Variants in ADCY2 observed in about 807,000 individuals in gnomAD.
ADCY2 encodes adenylate cyclase 2, also known as adenylate cyclase type 2.
ADCY2 carries 31 observed loss-of-function variants against 125.2 expected under a neutral mutation model. That is an observed-to-expected ratio of 0.25 (90% CI 0.19 to 0.33). The LOEUF (loss-of-function observed/expected upper bound fraction) is 0.33, where lower values mean the gene tolerates loss of function less well. Among genes scored for constraint, ADCY2 ranks in the 10% least tolerant of loss-of-function variants. The probability of loss-of-function intolerance (pLI) is 1.00; values close to 1 mark genes in which losing one functional copy is unlikely to be tolerated. For synonymous variants in ADCY2, 512 were observed against 548.4 expected, an observed-to-expected ratio of 0.93 and a Z score of 0.93; for missense variants, 904 against 1,418.2, an observed-to-expected ratio of 0.64 and a Z score of 5.82.
chr5:7,650,713 T>C (rs926654765), intron 4 of ADCY2, among the ~76,000 whole-genome samples: 2 of 152,238 alleles, frequency 1.3e-5, no homozygotes. Flanking sequence ...GTGTGAACTG[T>C]GATTTTCTCT....
chr5:7,461,562 C>T (rs1353195159), intron 2 of ADCY2, among the ~76,000 whole-genome samples: 1 of 152,214 alleles, frequency 6.6e-6, no homozygotes, highest in African/African-American at 2.4e-5. Context: ...GTGCCTTTGG[C>T]ACATCTTAGA....
chr5:7,439,068 C>T (rs1253096208), intron 2 of ADCY2, among the ~76,000 whole-genome samples: 1 of 152,134 alleles, frequency 6.6e-6, no homozygotes, highest in Non-Finnish European at 1.5e-5. Flanking sequence ...GTTGGTGTGA[C>T]CACAGAGGGA....
At chr5:7,466,826 C>T (rs1051237025) in intron 2 of ADCY2, among the ~76,000 whole-genome samples, 3 of 152,088 alleles carry the variant, frequency 2.0e-5, no homozygotes, top group Non-Finnish European at 2.9e-5. Flanking sequence ...TTTGTGTGCC[C>T]GACAGCATTC....
intron 2 of ADCY2, among the ~76,000 whole-genome samples, chr5:7,453,928 G>A (rs1741569965): frequency 6.6e-6 from 1 of 152,128 alleles, no homozygotes; most frequent in African/African-American, 2.4e-5. Context: ...ACCTGTGTGA[G>A]CCCACTCACC....
At chr5:7,609,040 G>T (rs1272379933) in intron 3 of ADCY2, among the ~76,000 whole-genome samples, 1 of 152,180 alleles carries the variant, frequency 6.6e-6, no homozygotes, top group African/African-American at 2.4e-5. Flanking sequence ...TTACCCAACA[G>T]ATCAGACTCA....
intron 3 of ADCY2, among the ~76,000 whole-genome samples, chr5:7,578,763 A>G (rs2126609584): frequency 6.6e-6 from 1 of 151,788 alleles, no homozygotes; most frequent in South Asian, 2.1e-4. Context: ...GACATCCCCT[A>G]CTCCCATTCC....
In ADCY2 at chr5:7,757,592, T is replaced by TGGCCGTGTTCAACATCGTAAGC. The variant is rs749937973; in HGVS notation, c.2094+6_2094+7insGGCCGTGTTCAACATCGTAAGC. On this transcript the variant is annotated splice_region_variant and intron_variant, in intron 16 of 24. Coordinates refer to ENST00000338316, the MANE Select transcript of ADCY2 (RefSeq NM_020546.3). ...TGATGGCCGTGTTCAACATGGTAAG[T>TGGCCGTGTTCAACATCGTAAGC]CCCAGAGCACGGCCGTGTTCAACAT... 6.6e-7 allele frequency: 1 copy of TGGCCGTGTTCAACATCGTAAGC among 1,513,858 alleles called. No homozygotes were observed. The allele number at this position is 1,513,858 out of a possible 1,614,324, so 93.8% of individuals were successfully genotyped here.
chr5:7,425,232 A>T (rs1461323609), intron 2 of ADCY2, among the ~76,000 whole-genome samples: 1 of 152,200 alleles, frequency 6.6e-6, no homozygotes, highest in Non-Finnish European at 1.5e-5. Flanking sequence ...CTGGACTTTT[A>T]CAAGGGAGGA....
chr5:7,683,279 A>G (rs1233839941), intron 4 of ADCY2, among the ~76,000 whole-genome samples: 1 of 152,226 alleles, frequency 6.6e-6, no homozygotes, highest in Non-Finnish European at 1.5e-5. Flanking sequence ...ACGTGAGTGA[A>G]TGAGTGACCT....
chr5:7,452,543 G>T (rs756934657), intron 2 of ADCY2, among the ~76,000 whole-genome samples: 2 of 152,148 alleles, frequency 1.3e-5, no homozygotes, highest in Non-Finnish European at 2.9e-5. Flanking sequence ...TTATAATTGT[G>T]AAATGTGCTG....
Position 7,709,918 on chromosome 5 carries a change from T to C in ADCY2, c.1578+531T>C, listed in dbSNP as rs554713607. Among the ~76,000 whole-genome samples, 4 of 152,194 alleles carry C rather than the reference T, an allele frequency of 2.6e-5. No individual in the cohort carries two copies. Among genetic ancestry groups the C allele is most frequent in the African/African-American group, 9.6e-5 (4 of 41,516 alleles). ...GACATCTGCGATAAGATGGCTGCAATGGAGAAGGAAAATAGAAAGGCCCAT... is the reference window on the plus strand; with the variant it reads ...GACATCTGCGATAAGATGGCTGCAACGGAGAAGGAAAATAGAAAGGCCCAT... On this transcript the variant is annotated intron_variant, in intron 10 of 24. Coordinates refer to ENST00000338316, the MANE Select transcript of ADCY2 (RefSeq NM_020546.3). The surrounding 1 kb of genome is among the most constrained non-coding windows in gnomAD (Gnocchi z 4.4).
chr5:7,577,899 C>T (rs183425486), intron 3 of ADCY2, among the ~76,000 whole-genome samples: 358 of 152,262 alleles, frequency 2.4e-3, no homozygotes, highest in African/African-American at 7.7e-3. Flanking sequence ...GGCCCACCAA[C>T]GCAGCGAAAT....
intron 2 of ADCY2, among the ~76,000 whole-genome samples, chr5:7,499,677 A>G (rs28529013): frequency 6.9e-5 from 9 of 131,090 alleles, no homozygotes; most frequent in African/African-American, 2.5e-4. Context: ...ATATATATAT[A>G]TATATGTATA....
intron 4 of ADCY2, among the ~76,000 whole-genome samples, chr5:7,640,756 G>T (rs187512718): frequency 6.6e-6 from 1 of 152,072 alleles, no homozygotes; most frequent in Admixed American, 6.5e-5. Flanking sequence ...CAGAAAAATA[G>T]AAATATACCA....
At position 7,817,973 on chromosome 5, in the gene ADCY2, T is replaced by A. The variant is rs1745172302; in HGVS notation, c.2998+993T>A. 2.6e-5 allele frequency among the ~76,000 whole-genome samples: 4 copies of A among 152,342 alleles called. No homozygotes were observed. The South Asian group carries it at 8.3e-4, about 32-fold the overall frequency. On this transcript the variant is annotated intron_variant, in intron 23 of 24. Transcript: ENST00000338316. ...TTTTACAAATTGTTGTTTTTTTAAA[T>A]GTGTGTTTTAAGCCATCAAGTCAAC...
intron 4 of ADCY2, among the ~76,000 whole-genome samples, chr5:7,665,662 G>A (rs1739688116): frequency 6.6e-6 from 1 of 151,684 alleles, no homozygotes; most frequent in African/African-American, 2.4e-5. Context: ...GTCTCTCCTG[G>A]GGCCTTTCCT....
At chr5:7,479,633 ATT>A (rs11331294) in intron 2 of ADCY2, among the ~76,000 whole-genome samples, 39 of 147,550 alleles carry the variant, frequency 2.6e-4, no homozygotes, top group Non-Finnish European at 3.4e-4. Context: ...TACAATTAAA[ATT>A]TTTTTTTTTT....
chr5:7,724,508 T>G, intron 12 of ADCY2, 37 bp from the exon 13 acceptor site: 3 of 1,512,712 alleles, frequency 2.0e-6, no homozygotes, highest in Non-Finnish European at 2.7e-6. Flanking sequence ...TGATTGGAGA[T>G]TCAGTTTTAT....
chr5:7,451,315 G>T (rs1173120766), intron 2 of ADCY2, among the ~76,000 whole-genome samples: 5 of 152,244 alleles, frequency 3.3e-5, no homozygotes, highest in African/African-American at 1.2e-4. Flanking sequence ...GATTTTGGAA[G>T]AAGTTGAGTT....
Sources: gnomAD v4.1 joint callset for allele counts (sites outside exome capture counted in the v4.1 genomes callset) on GRCh38, gnomAD v4.1.1 for gene constraint, Gnocchi (gnomAD v3.1) non-coding constraint, MANE v1.5 for transcripts, NCBI Gene and HGNC (gene_info 2026-07-23, HGNC 2026-07-21) for gene names.